FBXO24: variants seen among roughly 807,000 people sequenced by gnomAD.
FBXO24 encodes F-box protein 24.
A neutral mutation model predicts 63.5 loss-of-function variants in FBXO24; 30 were observed. That is an observed-to-expected ratio of 0.47 (90% CI 0.35 to 0.64). The LOEUF (loss-of-function observed/expected upper bound fraction) is 0.64, where lower values mean the gene tolerates loss of function less well. Ranked by LOEUF, FBXO24 falls within the 30% of genes least tolerant of loss-of-function variation. The probability of loss-of-function intolerance (pLI) is 0.00; values close to 1 mark genes in which losing one functional copy is unlikely to be tolerated. For synonymous variants in FBXO24, 300 were observed against 305.0 expected, an observed-to-expected ratio of 0.98 and a Z score of 0.17; for missense variants, 624 against 763.4, an observed-to-expected ratio of 0.82 and a Z score of 2.15.
Position 100,593,003 on chromosome 7 carries a change from T to C in FBXO24, c.779T>C (p.Leu260Pro), listed in dbSNP as rs1340777668. 6.2e-7 allele frequency: 1 copy of C among 1,613,972 alleles called. No individual in the cohort carries two copies. Among genetic ancestry groups the C allele is most frequent in the East Asian group, 2.2e-5 (1 of 44,860 alleles). ...GTTGGTCAGGAGACCCAGCGGGCTC[T>C]ACTGCTCCTCACAGGTGTGGCCCAA... ...VLVGQETQRALLLLTEEGKIY... is the reference protein window; with the variant it reads ...VLVGQETQRAPLLLTEEGKIY... Residue 260 changes from leucine (L) to proline (P), a missense_variant, in exon 5 of 10, where the codon CTA (leucine) becomes CCA (proline). Coordinates refer to ENST00000241071, the MANE Select transcript of FBXO24 (RefSeq NM_033506.3).
Position 100,600,682 on chromosome 7 carries a change from C to A in FBXO24, c.1526C>A (p.Pro509His), listed in dbSNP as rs1802560532. Residue 509 changes from proline to histidine, a missense_variant, in exon 10 of 10, where the codon CCC (proline) becomes CAC (histidine). By Grantham distance (77) the Pro-to-His change is moderately conservative. Coordinates refer to ENST00000241071, the MANE Select transcript of FBXO24 (RefSeq NM_033506.3). The surrounding 1 kb of genome is among the most constrained non-coding windows in gnomAD (Gnocchi z 6.3). ...GAGCCCAGCCTGGGGGCCAGAGCAC[C>A]CCAGGACCCCGGGGGGATGGCCCAG... ...TPEPSLGARAPQDPGGMAQAC... is the reference protein window; with the variant it reads ...TPEPSLGARAHQDPGGMAQAC... The A allele has an allele frequency of 6.2e-7, 1 of 1,614,116 alleles. No individual in the cohort carries two copies. Among genetic ancestry groups the A allele is most frequent in the Non-Finnish European group, 8.5e-7 (1 of 1,179,996 alleles).
chr7:100,598,625 A>T (rs1802424996), intron 8 of FBXO24, among the ~76,000 whole-genome samples: 1 of 152,172 alleles, frequency 6.6e-6, no homozygotes. Context: ...AAGCAAGTAG[A>T]AGCTTTTTTT....
At chr7:100,587,274 C>T (rs1168970918) in intron 1 of FBXO24, among the ~76,000 whole-genome samples, 2 of 151,954 alleles carry the variant, frequency 1.3e-5, no homozygotes, top group East Asian at 1.9e-4. Flanking sequence ...TCCTCCCTCC[C>T]TCCCTCTCCC....
At chr7:100,596,112 T>C (rs1400729862) in intron 8 of FBXO24, among the ~76,000 whole-genome samples, 1 of 152,028 alleles carries the variant, frequency 6.6e-6, no homozygotes, top group African/African-American at 2.4e-5. Context: ...ACCCCGTCTC[T>C]ACCAAAAATA....
chr7:100,597,734 C>T (rs1056105631), intron 8 of FBXO24, among the ~76,000 whole-genome samples: 4 of 151,610 alleles, frequency 2.6e-5, no homozygotes, highest in African/African-American at 9.7e-5. Flanking sequence ...ACATGGTCTC[C>T]ACTGCTTCCC....
At position 100,586,564 on chromosome 7, in the gene FBXO24, G is replaced by T; in HGVS notation, c.-62G>T. Reference sequence around the variant, plus strand: ...GAGTGACTGTCAAGAAGGCCAATTAGAGCCTCCGAAGGGAATCTGGACCTG... The same window carrying T: ...GAGTGACTGTCAAGAAGGCCAATTATAGCCTCCGAAGGGAATCTGGACCTG... On this transcript the variant is annotated 5_prime_UTR_variant, in exon 1 of 10. Transcript: ENST00000241071. The T allele has an allele frequency of 6.4e-7, 1 of 1,571,594 alleles. No homozygotes were observed. Among genetic ancestry groups the T allele is most frequent in the Non-Finnish European group, 8.8e-7 (1 of 1,142,104 alleles).
rs1801764438 is a variant in FBXO24 at position 100,586,595 on chromosome 7, T to C, written c.-31T>C. On this transcript the variant is annotated 5_prime_UTR_variant, in exon 1 of 10. Coordinates refer to ENST00000241071, the MANE Select transcript of FBXO24 (RefSeq NM_033506.3). ...CCGAAGGGAATCTGGACCTGCCTCT[T>C]CTCTGAGGGACGGCTCTACCTACCA... is the stretch of plus-strand genomic sequence containing the variant. The C allele has an allele frequency of 6.2e-7, 1 of 1,613,708 alleles. No homozygotes were observed. Among genetic ancestry groups the C allele is most frequent in the Non-Finnish European group, 8.5e-7 (1 of 1,179,634 alleles).
At chr7:100,595,029 C>T in intron 6 of FBXO24, 73 bp from the exon 7 acceptor site, 1 of 1,587,084 alleles carries the variant, frequency 6.3e-7, no homozygotes, top group African/African-American at 1.3e-5. Flanking sequence ...TTGTAGCTTT[C>T]ATCCCAGGTG....
intron 1 of FBXO24, chr7:100,589,347 A>T (rs1801887555): frequency 9.3e-7 from 1 of 1,080,122 alleles, no homozygotes; most frequent in Non-Finnish European, 1.1e-6. Flanking sequence ...GTTAGTGCTA[A>T]AAGGGCCTCA....
Position 100,591,756 on chromosome 7 carries a change from C to T in FBXO24, c.412C>T (p.Arg138Cys), listed in dbSNP as rs753114304. ...VAPLLAHGYR[R>C]FLPTKDHVFI... ...CCCCTTGCTAGCCCACGGCTACCGC[C>T]GCTTCTTGCCCACCAAGGATCACGT... The change falls in exon 4 of 10, where the codon CGC (arginine) becomes TGC (cysteine). Residue 138 changes from arginine to cysteine, a missense_variant. By Grantham distance (180) the Arg-to-Cys change is radical. Around this residue, in one of 3 missense-constraint regions of FBXO24, gnomAD observed 391 missense variants for 469.1 expected, o/e 0.83. Coordinates refer to ENST00000241071, the MANE Select transcript of FBXO24 (RefSeq NM_033506.3). The T allele has an allele frequency of 3.7e-6, 6 of 1,614,280 alleles. No homozygotes were observed. The East Asian group carries it at 6.7e-5, about 18-fold the overall frequency.
At chr7:100,599,835 C>T in intron 8 of FBXO24, 196 bp from the exon 9 acceptor site, 1 of 610,494 alleles carries the variant, frequency 1.6e-6, no homozygotes, top group Admixed American at 3.0e-5. Context: ...AACAGAAGTG[C>T]AAGACCCTAT....
In FBXO24 at chr7:100,600,817, ACTT is replaced by A. The variant is rs530744994; in HGVS notation, c.1667_1669del (p.Phe556del). The stretch of plus-strand genomic sequence containing the variant: ...ATGCCCCTGATGGCCGCACAGAAGG[ACTT>A]CTTCTGGGAGGCCCTGGACATGCTG... On this transcript the variant is annotated inframe_deletion, in exon 10 of 10. Transcript: ENST00000241071. The surrounding 1 kb of genome is among the most constrained non-coding windows in gnomAD (Gnocchi z 6.3). 9.2e-5 allele frequency: 148 copies of A among 1,614,146 alleles called. No homozygotes were observed. Among genetic ancestry groups the A allele is most frequent in the East Asian group, 1.3e-4 (6 of 44,878 alleles).
At chr7:100,592,466 A>C (rs967102714) in intron 4 of FBXO24, among the ~76,000 whole-genome samples, 6 of 152,144 alleles carry the variant, frequency 3.9e-5, no homozygotes, top group African/African-American at 1.2e-4. Context: ...GTGAGAACCC[A>C]CTATCACGAA....
In FBXO24 at chr7:100,590,063, C is replaced by A; in HGVS notation, c.126C>A (p.Phe42Leu). Residue 42 changes from phenylalanine to leucine, a missense_variant, in exon 2 of 10, where the codon TTC becomes TTA. Around this residue, in one of 3 missense-constraint regions of FBXO24, gnomAD observed 391 missense variants for 469.1 expected, o/e 0.83. Transcript: ENST00000241071. The stretch of plus-strand genomic sequence containing the variant: ...GAAATCCGATTTCCATCCAGTTGTT[C>A]CCCCCAGAGCTGGTGAGTCCTTGGG... Reference protein sequence around the residue: ...GKGNPISIQLFPPELVEHIIS... With the variant: ...GKGNPISIQLLPPELVEHIIS... The A allele has an allele frequency of 6.2e-7, 1 of 1,612,864 alleles. No individual in the cohort carries two copies. The highest frequency in any genetic ancestry group is 8.5e-7 in the Non-Finnish European group (1 of 1,179,414).
At chr7:100,592,680 A>G in intron 4 of FBXO24, 103 bp from the exon 5 acceptor site, 7 of 887,006 alleles carry the variant, frequency 7.9e-6, no homozygotes, top group Non-Finnish European at 1.2e-5. Context: ...TCATTTCCCA[A>G]CTCTGGACCC....
Position 100,600,250 on chromosome 7 carries a change from G to T in FBXO24, c.1377+49G>T. On this transcript the variant is annotated intron_variant, in intron 9 of 9. Coordinates refer to ENST00000241071, the MANE Select transcript of FBXO24 (RefSeq NM_033506.3). This position sits in a 1 kb window ranked among gnomAD's most constrained non-coding sequence, Gnocchi z 6.3. ...GGCACCCAGGGAGGATGAGAGCCAT[G>T]AACCAGGAAGCCCACAGGCTGTAGC... 6.8e-7 allele frequency: 1 copy of T among 1,468,172 alleles called. No homozygotes were observed. Among genetic ancestry groups the T allele is most frequent in the Non-Finnish European group, 9.0e-7 (1 of 1,105,482 alleles). The allele number at this position is 1,468,172 out of a possible 1,614,324, so 90.9% of individuals were successfully genotyped here. A position where few individuals can be genotyped will look rare whatever the true frequency, so the allele number is the denominator to read the frequency against.
intron 8 of FBXO24, 57 bp from the exon 9 acceptor site, chr7:100,599,974 C>A: frequency 6.9e-7 from 1 of 1,442,742 alleles, no homozygotes. Flanking sequence ...TTTTCCCACC[C>A]CAGCCCCCCC....
chr7:100,593,781 A>C (rs1234864724), intron 5 of FBXO24, among the ~76,000 whole-genome samples: 1 of 136,000 alleles, frequency 7.4e-6, no homozygotes, highest in African/African-American at 2.7e-5. Flanking sequence ...TGGGTGACAG[A>C]GTGAGACTCC....
In FBXO24 at chr7:100,600,308, T is replaced by G; in HGVS notation, c.1377+107T>G. On this transcript the variant is annotated intron_variant, in intron 9 of 9. Transcript: ENST00000241071. The surrounding 1 kb of genome is among the most constrained non-coding windows in gnomAD (Gnocchi z 6.3). ...CCTGCAGGGACCCAGGGGGTCCCAT[T>G]TCCCTAGCACCACCCCACCTCCCTC... 7.3e-7 allele frequency: 1 copy of G among 1,378,334 alleles called. No homozygotes were observed. The highest frequency in any genetic ancestry group is 9.7e-7 in the Non-Finnish European group (1 of 1,033,672). 85.4% of individuals were successfully genotyped at this position (1,378,334 alleles called of 1,614,324 possible).
Sources: gnomAD v4.1 joint callset for allele counts (sites outside exome capture counted in the v4.1 genomes callset) on GRCh38, gnomAD v4.1.1 for gene constraint, gnomAD v4.1.1 regional missense constraint, Gnocchi (gnomAD v3.1) non-coding constraint, MANE v1.5 for transcripts, NCBI Gene and HGNC (gene_info 2026-07-23, HGNC 2026-07-21) for gene names.